The following CHRNA4 variants were observed in gnomAD, a reference collection of about 807,000 sequenced individuals.
CHRNA4 encodes neuronal acetylcholine receptor subunit alpha-4.
Under a neutral mutation model 48.9 loss-of-function variants are expected in CHRNA4, and 28 were observed. The ratio of observed to expected loss-of-function variants is 0.57; its 90% CI spans 0.42 to 0.79. The LOEUF (loss-of-function observed/expected upper bound fraction) is 0.79. CHRNA4 is among the 30% of genes least tolerant of loss of function. CHRNA4 has a pLI of 0.00. For synonymous variants in CHRNA4, 425 were observed against 402.3 expected (o/e 1.06, Z -0.68); for missense variants, 859 against 898.4 (o/e 0.96, Z 0.56).
intron 4 of CHRNA4, among the ~76,000 whole-genome samples, chr20:63,352,179 C>A (rs926481755): frequency 6.6e-6 from 1 of 152,214 alleles, no homozygotes; most frequent in Non-Finnish European, 1.5e-5. Context: ...CCCTGAGAGC[C>A]TGCTCAAAGG....
At chr20:63,351,111 A>C (rs2068592649) in intron 4 of CHRNA4, 84 bp from the exon 5 acceptor site, 3 of 1,467,172 alleles carry the variant, frequency 2.0e-6, no homozygotes, top group African/African-American at 1.4e-5. Context: ...ACCCATGCCC[A>C]CGTCCACACC....
Position 63,346,092 on chromosome 20 carries a change from C to T in CHRNA4, c.*646G>A, listed in dbSNP as rs1241874252. The T allele has an allele frequency of 1.3e-5, 6 of 453,974 alleles. No homozygotes were observed. The East Asian group carries it at 3.5e-4, about 26-fold the overall frequency. The allele number at this position is 453,974 out of a possible 1,614,324, so 28.1% of individuals were successfully genotyped here. On this transcript the variant is annotated 3_prime_UTR_variant, in exon 6 of 6. Transcript: ENST00000370263. ...CCCACGCGGAACCAGCTCCACAAAACTCTGTTCTCCAAGGCTCCTTAGGCA... is the reference window on the plus strand; with the variant it reads ...CCCACGCGGAACCAGCTCCACAAAATTCTGTTCTCCAAGGCTCCTTAGGCA...
In CHRNA4 at chr20:63,361,332, G is replaced by A. The variant is rs1389349869; in HGVS notation, c.-167C>T. On this transcript the variant is annotated 5_prime_UTR_variant, in exon 1 of 6. Coordinates refer to ENST00000370263, the MANE Select transcript of CHRNA4 (RefSeq NM_000744.7). ...CGCGGTGCGGCGGCGGCGCGGCAGG[G>A]AGCGCCGGGCTGTGGGCTCCGTGGC... The A allele has an allele frequency of 5.3e-6, 6 of 1,134,810 alleles. No individual in the cohort carries two copies. In the African/African-American group the frequency reaches 1.3e-4, roughly 25 times the overall value. 70.3% of individuals were successfully genotyped at this position (1,134,810 alleles called of 1,614,324 possible). A position where few individuals can be genotyped will look rare whatever the true frequency, so the allele number is the denominator to read the frequency against.
intron 4 of CHRNA4, chr20:63,355,573 T>TG: frequency 7.7e-7 from 1 of 1,298,058 alleles, no homozygotes; most frequent in Admixed American, 2.3e-5. Flanking sequence ...AAAGCACTCC[T>TG]GCCCAAAAGG....
intron 2 of CHRNA4, 62 bp from the exon 3 acceptor site, chr20:63,356,477 T>A: frequency 6.7e-7 from 1 of 1,501,626 alleles, no homozygotes; most frequent in Non-Finnish European, 9.1e-7. Context: ...GGCCCTAGGT[T>A]TCCTCATCTA....
In CHRNA4 at chr20:63,349,915, G is replaced by A. The variant is rs1191814622; in HGVS notation, c.1496C>T (p.Ala499Val). The change falls in exon 5 of 6, where the codon GCC becomes GTC. Residue 499 changes from alanine (A) to valine (V), a missense_variant. Ala to Val is a moderately conservative substitution (Grantham distance 64). Transcript: ENST00000370263. ...GGCAGCCTGGCCATCTGCCTCGGGGGCGGCATCGTCTCGGGGAACACAGTA... is the reference window on the plus strand; with the variant it reads ...GGCAGCCTGGCCATCTGCCTCGGGGACGGCATCGTCTCGGGGAACACAGTA... ...IQYCVPRDDA[A>V]PEADGQAAGA... 1.3e-6 allele frequency: 2 copies of A among 1,594,812 alleles called. No homozygotes were observed. Among genetic ancestry groups the A allele is most frequent in the East Asian group, 4.5e-5 (2 of 44,268 alleles).
At chr20:63,359,202 C>T (rs923884268) in intron 2 of CHRNA4, among the ~76,000 whole-genome samples, 2 of 152,168 alleles carry the variant, frequency 1.3e-5, no homozygotes, top group African/African-American at 4.8e-5. Flanking sequence ...GCCGGTTGTC[C>T]CTGTTGCTCC....
At position 63,345,229 on chromosome 20, in the gene CHRNA4, G is replaced by C. The variant is rs1173159424; in HGVS notation, c.*1509C>G. On this transcript the variant is annotated 3_prime_UTR_variant, in exon 6 of 6. Coordinates refer to ENST00000370263, the MANE Select transcript of CHRNA4 (RefSeq NM_000744.7). This position sits in a 1 kb window ranked among gnomAD's most constrained non-coding sequence, Gnocchi z 5.4. ...CTCGGGGACAGAGGAATGAGACTCA[G>C]TGGGACGCAGAGCCCAACCCCATCC... 2 of 446,898 alleles carry C rather than the reference G, an allele frequency of 4.5e-6. No individual in the cohort carries two copies. Among genetic ancestry groups the C allele is most frequent in the Admixed American group, 2.4e-5 (1 of 42,344 alleles). The allele number at this position is 446,898 out of a possible 1,614,324, so 27.7% of individuals were successfully genotyped here.
chr20:63,359,094 A>C (rs1235551199), intron 2 of CHRNA4, among the ~76,000 whole-genome samples: 1 of 151,872 alleles, frequency 6.6e-6, no homozygotes, highest in Non-Finnish European at 1.5e-5. Flanking sequence ...CCCAAACCCC[A>C]CATTCCAGAT....
At chr20:63,358,923 G>A (rs1028965339) in intron 2 of CHRNA4, among the ~76,000 whole-genome samples, 12 of 109,622 alleles carry the variant, frequency 1.1e-4, no homozygotes, top group Admixed American at 5.7e-4. Flanking sequence ...AGTTCTCTCA[G>A]CCTCGAAGCC....
intron 2 of CHRNA4, among the ~76,000 whole-genome samples, chr20:63,357,555 C>T (rs1009709419): frequency 2.0e-5 from 3 of 152,358 alleles, no homozygotes; most frequent in South Asian, 2.1e-4. Context: ...TGAGCTCACA[C>T]GTGCAGCTCA....
chr20:63,359,485 G>A (rs2068768826), intron 2 of CHRNA4, 63 bp downstream of exon 2: 1 of 1,604,286 alleles, frequency 6.2e-7, no homozygotes, highest in Non-Finnish European at 8.5e-7. Context: ...TGCCCACCCA[G>A]ACCCCTGTGC....
intron 4 of CHRNA4, among the ~76,000 whole-genome samples, chr20:63,351,821 T>C (rs1568812824): frequency 6.6e-6 from 1 of 152,218 alleles, no homozygotes; most frequent in African/African-American, 2.4e-5. Flanking sequence ...AGCGAGGGGC[T>C]GATGTCCCTT....
Position 63,349,998 on chromosome 20 carries a change from C to T in CHRNA4, c.1413G>A (p.Met471Ile). ...CTTCCACCGCTTCGCCAGGGCTGGA[C>T]ATGTGCTGGACGCTGAGGGACCTGG... is the stretch of plus-strand genomic sequence containing the variant. ...AKARSLSVQH[M>I]SSPGEAVEGG... Residue 471 changes from methionine (M) to isoleucine (I), a missense_variant, in exon 5 of 6, where the codon ATG (methionine) becomes ATA (isoleucine). By Grantham distance (10) the Met-to-Ile change is conservative. Transcript: ENST00000370263. 1 of 1,546,570 alleles carries T rather than the reference C, an allele frequency of 6.5e-7. No individual in the cohort carries two copies. The highest frequency in any genetic ancestry group is 8.7e-7 in the Non-Finnish European group (1 of 1,145,374).
chr20:63,350,112 C>T lies in CHRNA4; in HGVS notation c.1299G>A (p.Gln433=). Residue 433 remains glutamine (Q), a synonymous_variant, in exon 5 of 6, where the codon CAG becomes CAA. Coordinates refer to ENST00000370263, the MANE Select transcript of CHRNA4 (RefSeq NM_000744.7). The stretch of plus-strand genomic sequence containing the variant: ...GGCTGGCTTTCTCAGCTTCCAGGGG[C>T]TGCTGAGGAGGGAGCTGGTCGGAGG... ...KSPSDQLPPQ[Q]PLEAEKASPH... The T allele has an allele frequency of 6.5e-7, 1 of 1,544,546 alleles. No homozygotes were observed. Among genetic ancestry groups the T allele is most frequent in the Non-Finnish European group, 8.8e-7 (1 of 1,142,798 alleles).
Position 63,345,111 on chromosome 20 carries a change from T to C in CHRNA4, c.*1627A>G, listed in dbSNP as rs1272923416. The C allele has an allele frequency of 2.2e-6, 1 of 453,838 alleles. No homozygotes were observed. The highest frequency in any genetic ancestry group is 4.4e-6 in the Non-Finnish European group (1 of 226,724). The allele number at this position is 453,838 out of a possible 1,614,324, so 28.1% of individuals were successfully genotyped here. A position where few individuals can be genotyped will look rare whatever the true frequency, so the allele number is the denominator to read the frequency against. On this transcript the variant is annotated 3_prime_UTR_variant, in exon 6 of 6. Transcript: ENST00000370263. This position sits in a 1 kb window ranked among gnomAD's most constrained non-coding sequence, Gnocchi z 5.4. Reference sequence around the variant, plus strand: ...ACTGCCCGCGGGGACACAGCGGCATTTCTGGGGCACTCGGCATGCCGGGTT... The same window carrying C: ...ACTGCCCGCGGGGACACAGCGGCATCTCTGGGGCACTCGGCATGCCGGGTT...
Position 63,346,603 on chromosome 20 carries a change from C to T in CHRNA4, c.*135G>A, listed in dbSNP as rs200851154. On this transcript the variant is annotated 3_prime_UTR_variant, in exon 6 of 6. Transcript: ENST00000370263. ...GTCCAAGGCCGTCTTACAGCAGACA[C>T]AGAACAGGAAGGAAAATTTGGCAAA... is the stretch of plus-strand genomic sequence containing the variant. 21 of 1,295,796 alleles carry T rather than the reference C, an allele frequency of 1.6e-5. No homozygotes were observed. Among genetic ancestry groups the T allele is most frequent in the Non-Finnish European group, 2.1e-5 (20 of 930,554 alleles). The allele number at this position is 1,295,796 out of a possible 1,614,324, so 80.3% of individuals were successfully genotyped here. A position where few individuals can be genotyped will look rare whatever the true frequency, so the allele number is the denominator to read the frequency against.
At chr20:63,359,912 T>TGTGTGCCGGGCGTGCGCTGTGTGTGA in intron 1 of CHRNA4, 4 of 519,048 alleles carry the variant, frequency 7.7e-6, no homozygotes, top group Non-Finnish European at 1.4e-5. Flanking sequence ...TGTGTGTGTG[T>TGTGTGCCGGGCGTGCGCTGTGTGTGA]GTGTGTGTGT....
rs972745791 is a variant in CHRNA4, at chr20:63,345,741, A to G, written c.*997T>C. ...ACCAGCTCCCCACAGCTACTGTAGCAGGAAGTCCTTCTTCCCGAACCCAGA... is the reference window on the plus strand; with the variant it reads ...ACCAGCTCCCCACAGCTACTGTAGCGGGAAGTCCTTCTTCCCGAACCCAGA... On this transcript the variant is annotated 3_prime_UTR_variant, in exon 6 of 6. Transcript: ENST00000370263. This position sits in a 1 kb window ranked among gnomAD's most constrained non-coding sequence, Gnocchi z 5.4. 5.4e-5 allele frequency: 24 copies of G among 448,352 alleles called. No homozygotes were observed. The highest frequency in any genetic ancestry group is 4.4e-4 in the African/African-American group (22 of 50,000). 27.8% of individuals were successfully genotyped at this position (448,352 alleles called of 1,614,324 possible).
Sources: gnomAD v4.1 joint callset for allele counts (sites outside exome capture counted in the v4.1 genomes callset) on GRCh38, gnomAD v4.1.1 for gene constraint, Gnocchi (gnomAD v3.1) non-coding constraint, MANE v1.5 for transcripts, NCBI Gene and HGNC (gene_info 2026-07-23, HGNC 2026-07-21) for gene names.